DOCK4: variants seen among roughly 807,000 people sequenced by gnomAD.
DOCK4 encodes the protein dedicator of cytokinesis protein 4.
Under a neutral mutation model 268.1 loss-of-function variants are expected in DOCK4, and 97 were observed. The ratio of observed to expected loss-of-function variants is 0.36; its 90% CI spans 0.31 to 0.43. The LOEUF (loss-of-function observed/expected upper bound fraction) is 0.43, where lower values mean the gene tolerates loss of function less well. Ranked by LOEUF, DOCK4 falls within the 20% of genes least tolerant of loss-of-function variation. The pLI is 1.00. For missense variants in DOCK4, 2,145 were observed against 2,455.7 expected, an observed-to-expected ratio of 0.87 and a Z score of 2.67; for synonymous variants, 954 against 887.2, an observed-to-expected ratio of 1.08 and a Z score of -1.34.
chr7:111,988,744 T>C (rs1307756066), intron 6 of DOCK4, among the ~76,000 whole-genome samples: 1 of 152,238 alleles, frequency 6.6e-6, no homozygotes, highest in Non-Finnish European at 1.5e-5. Context: ...TCTAGTTCAT[T>C]GCTGTGAACA....
Position 111,735,962 on chromosome 7 carries a change from A to T in DOCK4, c.5306-795T>A, listed in dbSNP as rs187887223. On this transcript the variant is annotated intron_variant, in intron 50 of 52. Transcript: ENST00000428084. ...ACCACTCTTAAAATTCTTTTTCTCTATTCTTTTAAATTTGCATCGTGGTTT... is the reference window on the plus strand; with the variant it reads ...ACCACTCTTAAAATTCTTTTTCTCTTTTCTTTTAAATTTGCATCGTGGTTT... Among the ~76,000 whole-genome samples, 33 of 152,274 alleles carry T rather than the reference A, an allele frequency of 2.2e-4. No individual in the cohort carries two copies. The East Asian group carries it at 5.2e-3, about 24-fold the overall frequency.
At position 111,954,017 on chromosome 7, in the gene DOCK4, T is replaced by C. The variant is rs115922836; in HGVS notation, c.702-8219A>G. 2.2e-3 allele frequency among the ~76,000 whole-genome samples: 338 copies of C among 152,358 alleles called. 1 individual carries two copies. The highest frequency in any genetic ancestry group is 8.0e-3 in the African/African-American group (333 of 41,572). ...AAGCTGGAATTCAAAGCCACCTCTT[T>C]GAGAATTTCTCATTCCCTATGTATT... On this transcript the variant is annotated intron_variant, in intron 8 of 52. Transcript: ENST00000428084.
chr7:111,876,948 C>T (rs973592226), intron 17 of DOCK4, 82 bp downstream of exon 17: 1 of 1,203,128 alleles, frequency 8.3e-7, no homozygotes. Context: ...TTAACTATCA[C>T]TTTGGTGTTT....
intron 12 of DOCK4, among the ~76,000 whole-genome samples, chr7:111,927,761 G>T (rs376974102): frequency 6.6e-6 from 1 of 152,240 alleles, no homozygotes; most frequent in African/African-American, 2.4e-5. Context: ...TAGTGATGGG[G>T]TTCAGGACAC....
At chr7:112,142,270 C>A (rs1016079072) in intron 1 of DOCK4, among the ~76,000 whole-genome samples, 1 of 152,140 alleles carries the variant, frequency 6.6e-6, no homozygotes, top group East Asian at 1.9e-4. Flanking sequence ...GGGCCACAGA[C>A]AACATTGCAC....
chr7:111,984,402 A>AT lies in DOCK4; in HGVS notation c.465-13dup, dbSNP rs1798881853. The stretch of plus-strand genomic sequence containing the variant: ...CCAGTCCCAGTTGTCTAGAAAACAA[A>AT]TTGCAAAAGTTTGGGGGAAAAGTTA... On this transcript the variant is annotated splice_polypyrimidine_tract_variant and intron_variant, in intron 6 of 52. Transcript: ENST00000428084. 3.7e-6 allele frequency: 6 copies of AT among 1,608,116 alleles called. No individual in the cohort carries two copies. The highest frequency in any genetic ancestry group is 5.1e-6 in the Non-Finnish European group (6 of 1,177,516).
intron 1 of DOCK4, among the ~76,000 whole-genome samples, chr7:112,128,646 C>G (rs529584886): frequency 5.6e-4 from 86 of 152,296 alleles, no homozygotes; most frequent in East Asian, 4.1e-3. Context: ...AACATGTCCT[C>G]TGTCCACTCA....
chr7:111,881,152 G>T (rs1255348786), intron 16 of DOCK4, among the ~76,000 whole-genome samples: 1 of 152,114 alleles, frequency 6.6e-6, no homozygotes, highest in African/African-American at 2.4e-5. Flanking sequence ...CATAATGGGA[G>T]AAAATACTTG....
chr7:112,091,689 CA>C (rs1809643407), intron 1 of DOCK4, among the ~76,000 whole-genome samples: 1 of 152,128 alleles, frequency 6.6e-6, no homozygotes, highest in African/African-American at 2.4e-5. Context: ...AGGCAACTCA[CA>C]AGGGTATTTC....
At position 112,070,063 on chromosome 7, in the gene DOCK4, A is replaced by G. The variant is rs140422655; in HGVS notation, c.38-65932T>C. ...AGGATTTGGAGCAGTCAAGGATGAGAATCACAACTCAACAAGTTCATTTTA... is the reference window on the plus strand; with the variant it reads ...AGGATTTGGAGCAGTCAAGGATGAGGATCACAACTCAACAAGTTCATTTTA... On this transcript the variant is annotated intron_variant, in intron 1 of 52. Coordinates refer to ENST00000428084, the MANE Select transcript of DOCK4 (RefSeq NM_001363540.2). 1.2e-3 allele frequency among the ~76,000 whole-genome samples: 186 copies of G among 152,308 alleles called. 1 individual carries two copies. Among genetic ancestry groups the G allele is most frequent in the African/African-American group, 4.0e-3 (165 of 41,574 alleles).
chr7:111,735,438 AATT>A (rs1265683273), intron 50 of DOCK4, among the ~76,000 whole-genome samples: 1 of 152,192 alleles, frequency 6.6e-6, no homozygotes, highest in Non-Finnish European at 1.5e-5. Flanking sequence ...ACTTGCTGAG[AATT>A]ACAAATGTGT....
chr7:112,042,463 G>A (rs1029711053), intron 1 of DOCK4, among the ~76,000 whole-genome samples: 1 of 152,164 alleles, frequency 6.6e-6, no homozygotes, highest in Non-Finnish European at 1.5e-5. Flanking sequence ...ATCCAAGACA[G>A]CAAAGGTTAA....
intron 1 of DOCK4, among the ~76,000 whole-genome samples, chr7:112,097,830 C>G (rs1810292734): frequency 6.6e-6 from 1 of 152,172 alleles, no homozygotes; most frequent in South Asian, 2.1e-4. Context: ...AAATCCCAAT[C>G]CTAACAGAGT....
intron 46 of DOCK4, 117 bp downstream of exon 46, chr7:111,741,419 GGTTA>G: frequency 2.8e-6 from 4 of 1,447,904 alleles, no homozygotes; most frequent in Middle Eastern, 1.9e-4. Flanking sequence ...CTGCCTCGCG[GGTTA>G]GTTATTTCAT....
chr7:111,876,764 T>C (rs1434211663), intron 17 of DOCK4, among the ~76,000 whole-genome samples: 3 of 149,246 alleles, frequency 2.0e-5, no homozygotes, highest in East Asian at 2.0e-4. Flanking sequence ...TTTTTTTTTT[T>C]CAAAGCATCT....
rs147160875 is a variant in DOCK4, at chr7:112,193,227, T to A, written c.37+12875A>T. Among the ~76,000 whole-genome samples the A allele has an allele frequency of 4.1e-4, 62 of 152,230 alleles. 1 individual carries two copies. Among genetic ancestry groups the A allele is most frequent in the East Asian group, 7.7e-4 (4 of 5,166 alleles). ...AAAGTGATGTGACAACTCAAGACAATGTGAGCAACTTTGCAAAAATGCCAT... is the reference window on the plus strand; with the variant it reads ...AAAGTGATGTGACAACTCAAGACAAAGTGAGCAACTTTGCAAAAATGCCAT... On this transcript the variant is annotated intron_variant, in intron 1 of 52. Transcript: ENST00000428084.
chr7:111,742,918 G>T (rs1796017874), intron 44 of DOCK4, among the ~76,000 whole-genome samples: 1 of 152,056 alleles, frequency 6.6e-6, no homozygotes, highest in African/African-American at 2.4e-5. Context: ...CTTGAATCCG[G>T]GAGGTGGAGG....
In DOCK4 at chr7:111,900,496, T is replaced by C. The variant is rs1242175047; in HGVS notation, c.1358A>G (p.Glu453Gly). Reference sequence around the variant, plus strand: ...ATGGTAAAGCACAAAGGAGTGGTACTCACTGGCTGGTGGCTCCCCAGAGCC... The same window carrying C: ...ATGGTAAAGCACAAAGGAGTGGTACCCACTGGCTGGTGGCTCCCCAGAGCC... ...SFGSGEPPAS[E>G]YHSFVLYHNN... Residue 453 changes from glutamate (E) to glycine (G), a missense_variant, in exon 15 of 53, where the codon GAG (glutamate) becomes GGG (glycine). Physicochemically the swap from Glu to Gly is moderately conservative, Grantham distance 98. Transcript: ENST00000428084. The C allele has an allele frequency of 6.2e-7, 1 of 1,612,842 alleles. No homozygotes were observed. The highest frequency in any genetic ancestry group is 1.1e-5 in the South Asian group (1 of 90,596).
intron 12 of DOCK4, among the ~76,000 whole-genome samples, chr7:111,921,678 G>A (rs1312933763): frequency 6.6e-6 from 1 of 152,140 alleles, no homozygotes; most frequent in African/African-American, 2.4e-5. Context: ...TTCCACATCT[G>A]TAAAATAAAG....
Sources: gnomAD v4.1 joint callset for allele counts (sites outside exome capture counted in the v4.1 genomes callset) on GRCh38, gnomAD v4.1.1 for gene constraint, MANE v1.5 for transcripts, NCBI Gene and HGNC (gene_info 2026-07-23, HGNC 2026-07-21) for gene names.